The following KMT2C variants were observed in gnomAD, a reference collection of about 807,000 sequenced individuals.
KMT2C encodes the protein histone-lysine N-methyltransferase 2C.
KMT2C carries 88 observed loss-of-function variants against 507.9 expected under a neutral mutation model. The observed-to-expected ratio is 0.17, with a 90% CI of 0.15 to 0.21. The LOEUF is 0.21. Ranked by LOEUF, KMT2C falls within the 10% of genes least tolerant of loss-of-function variation. The pLI, the probability that KMT2C is intolerant of heterozygous loss-of-function variation, is 1.00. For missense variants in KMT2C, 4,954 were observed against 5,957.8 expected (o/e 0.83, Z 5.55); for synonymous variants, 2,049 against 2,080.8 (o/e 0.98, Z 0.42).
rs891381752 is a variant in KMT2C at position 152,148,483 on chromosome 7, T to C, written c.13444A>G (p.Ile4482Val). 1.2e-6 allele frequency: 2 copies of C among 1,614,250 alleles called. No homozygotes were observed. The highest frequency in any genetic ancestry group is 1.1e-5 in the South Asian group (1 of 91,086). The part of the protein sequence containing the change: ...SGCHRFRCTN[I>V]YHFTCAIKAQ... ...TTAATGGCGCAAGTGAAGTGATAAATGTTGGTGCATCGAAATCTGTGGCAT... is the reference window on the plus strand; with the variant it reads ...TTAATGGCGCAAGTGAAGTGATAAACGTTGGTGCATCGAAATCTGTGGCAT... Residue 4482 changes from isoleucine (I) to valine (V), a missense_variant, in exon 52 of 59, where the codon ATT becomes GTT. Around this residue, in one of 29 missense-constraint regions of KMT2C, gnomAD observed 221 missense variants for 304.7 expected, o/e 0.73. Transcript: ENST00000262189. This position sits in a 1 kb window ranked among gnomAD's most constrained non-coding sequence, Gnocchi z 7.1.
chr7:152,162,870 T>C lies in KMT2C; in HGVS notation c.10707A>G (p.Pro3569=). The change falls in exon 43 of 59, where the codon CCA becomes CCG. Residue 3569 remains proline (P), a synonymous_variant. Coordinates refer to ENST00000262189, the MANE Select transcript of KMT2C (RefSeq NM_170606.3). ...AAPPVANSSL[P]CGQDSTITHG... The stretch of plus-strand genomic sequence containing the variant: ...GGGTTATAGTAGAATCTTGGCCACA[T>C]GGGAGACTGCTATTAGCTACTGGAG... 1.9e-6 allele frequency: 3 copies of C among 1,614,194 alleles called. No homozygotes were observed. Among genetic ancestry groups the C allele is most frequent in the Non-Finnish European group, 2.5e-6 (3 of 1,180,034 alleles).
intron 5 of KMT2C, among the ~76,000 whole-genome samples, chr7:152,310,439 C>T (rs2096660827): frequency 6.6e-6 from 1 of 152,150 alleles, no homozygotes; most frequent in Non-Finnish European, 1.5e-5. Flanking sequence ...GTGGTGCACG[C>T]CTGTAATTCC....
intron 2 of KMT2C, among the ~76,000 whole-genome samples, chr7:152,349,135 C>A (rs1022111025): frequency 6.6e-6 from 1 of 152,138 alleles, no homozygotes; most frequent in Non-Finnish European, 1.5e-5. Context: ...AAGAAATGCA[C>A]TATCAAGACA....
At chr7:152,307,842 G>A (rs1343715351) in intron 6 of KMT2C, among the ~76,000 whole-genome samples, 2 of 152,110 alleles carry the variant, frequency 1.3e-5, no homozygotes, top group African/African-American at 4.8e-5. Context: ...CTACATTTCT[G>A]TACTAAGTAT....
At position 152,417,291 on chromosome 7, in the gene KMT2C, G is replaced by T. The variant is rs571352130; in HGVS notation, c.161+18335C>A. Reference sequence around the variant, plus strand: ...CCACCACCATGTCTGGCTAATTTTTGTATTTTTACTAGAGATGGGTTTCAC... The same window carrying T: ...CCACCACCATGTCTGGCTAATTTTTTTATTTTTACTAGAGATGGGTTTCAC... On this transcript the variant is annotated intron_variant, in intron 1 of 58. Transcript: ENST00000262189. Among the ~76,000 whole-genome samples, 6 of 152,074 alleles carry T rather than the reference G, an allele frequency of 3.9e-5. No individual in the cohort carries two copies. The East Asian group carries it at 1.2e-3, about 30-fold the overall frequency.
In KMT2C at chr7:152,148,947, A is replaced by G; in HGVS notation, c.12980T>C (p.Val4327Ala). The G allele has an allele frequency of 1.9e-6, 3 of 1,608,314 alleles. No homozygotes were observed. Among genetic ancestry groups the G allele is most frequent in the Non-Finnish European group, 2.5e-6 (3 of 1,177,106 alleles). ...QVEAKPDELK[V>A]TVKLKPRLRA... ...TAGCCGAGGCTTCAGCTTGACTGTC[A>G]CCTTCAGCTCATCTGGCTTGGCCTC... Residue 4327 changes from valine (V) to alanine (A), a missense_variant, in exon 52 of 59, where the codon GTG becomes GCG. Val to Ala is a moderately conservative substitution (Grantham distance 64). Transcript: ENST00000262189. This position sits in a 1 kb window ranked among gnomAD's most constrained non-coding sequence, Gnocchi z 7.1.
At chr7:152,311,033 C>A (rs1369620905) in intron 5 of KMT2C, among the ~76,000 whole-genome samples, 1 of 152,074 alleles carries the variant, frequency 6.6e-6, no homozygotes, top group Non-Finnish European at 1.5e-5. Flanking sequence ...GATGCACACA[C>A]AAGTTTAAGA....
intron 1 of KMT2C, among the ~76,000 whole-genome samples, chr7:152,388,264 A>C (rs114908480): frequency 2.1e-5 from 3 of 141,880 alleles, no homozygotes; most frequent in African/African-American, 7.7e-5. Context: ...TGCTAAATAA[A>C]TAAGTATGCT....
chr7:152,299,479 C>T (rs1368633733), intron 6 of KMT2C, among the ~76,000 whole-genome samples: 2 of 151,796 alleles, frequency 1.3e-5, no homozygotes, highest in Non-Finnish European at 2.9e-5. Context: ...CATAGTGAGA[C>T]CCCATATATA....
At chr7:152,340,550 ATTAT>A (rs1386684530) in intron 2 of KMT2C, among the ~76,000 whole-genome samples, 1 of 152,180 alleles carries the variant, frequency 6.6e-6, no homozygotes, top group African/African-American at 2.4e-5. Context: ...GAAAAAGCAA[ATTAT>A]TTATTAACAC....
At chr7:152,368,363 A>T (rs1182409731) in intron 1 of KMT2C, 12 of 1,126,638 alleles carry the variant, frequency 1.1e-5, no homozygotes, top group Non-Finnish European at 1.6e-5. Flanking sequence ...CCTCTGGCAC[A>T]AATGGAAGAA....
Position 152,183,121 on chromosome 7 carries a change from A to C in KMT2C, c.5118T>G (p.Ile1706Met). ...AATCATTTGACATCTGTACTTTATT[A>C]ATGCGTAAAGCAGCTCTGTTATCTC... ...KARDNRAALR[I>M]NKVQMSNDSM... Residue 1706 changes from isoleucine to methionine, a missense_variant, in exon 35 of 59, where the codon ATT becomes ATG. Ile to Met is a conservative substitution (Grantham distance 10). Around this residue, in one of 29 missense-constraint regions of KMT2C, gnomAD observed 58 missense variants for 63.3 expected, o/e 0.92. Transcript: ENST00000262189. 1.9e-6 allele frequency: 3 copies of C among 1,607,394 alleles called. No homozygotes were observed. The highest frequency in any genetic ancestry group is 2.5e-6 in the Non-Finnish European group (3 of 1,177,930).
chr7:152,315,479 T>C (rs2096713876), intron 3 of KMT2C, 141 bp from the exon 4 acceptor site: 8 of 609,664 alleles, frequency 1.3e-5, no homozygotes. Context: ...TACAGTCTAT[T>C]CAGTGATTAC....
In KMT2C at chr7:152,223,960, T is replaced by C. The variant is rs552982387; in HGVS notation, c.3323+55A>G. ...AAAGCTATTTTCCATTTGTTTTTTT[T>C]TTTGCTACATTTCAAAGAGAAAAGC... On this transcript the variant is annotated intron_variant, in intron 20 of 58. Transcript: ENST00000262189. 132 of 1,255,128 alleles carry C rather than the reference T, an allele frequency of 1.1e-4. No individual in the cohort carries two copies. The African/African-American group carries it at 1.8e-3, about 17-fold the overall frequency. The allele number at this position is 1,255,128 out of a possible 1,614,324, so 77.7% of individuals were successfully genotyped here.
rs10269449 is a variant in KMT2C at position 152,172,742 on chromosome 7, T to C, written c.9374+1389A>G. On this transcript the variant is annotated intron_variant, in intron 39 of 58. Coordinates refer to ENST00000262189, the MANE Select transcript of KMT2C (RefSeq NM_170606.3). ...AAATAAAACTCAGCATTTCCTTGTT[T>C]TGAATATACATAGAAACTACAATAT... Among the ~76,000 whole-genome samples, 1,182 of 152,236 alleles carry C rather than the reference T, an allele frequency of 7.8e-3. 21 individuals carry two copies. Among genetic ancestry groups the C allele is most frequent in the African/African-American group, 0.027 (1,141 of 41,538 alleles).
At chr7:152,192,243 G>A (rs768709777) in intron 31 of KMT2C, among the ~76,000 whole-genome samples, 2 of 151,962 alleles carry the variant, frequency 1.3e-5, no homozygotes, top group African/African-American at 4.8e-5. Flanking sequence ...GTTCTTAATC[G>A]TTAAAACAGC....
intron 1 of KMT2C, among the ~76,000 whole-genome samples, chr7:152,385,722 A>C (rs1459444863): frequency 1.4e-5 from 2 of 144,698 alleles, no homozygotes; most frequent in Non-Finnish European, 3.0e-5. Context: ...TTTAAGTATG[A>C]TGGTGGTATT....
intron 16 of KMT2C, among the ~76,000 whole-genome samples, chr7:152,235,486 T>G (rs112623282): frequency 6.6e-6 from 1 of 152,026 alleles, no homozygotes; most frequent in African/African-American, 2.4e-5. Flanking sequence ...AATACACATA[T>G]AAATAAAGCC....
chr7:152,166,711 C>T (rs145890964), intron 42 of KMT2C, among the ~76,000 whole-genome samples: 2 of 152,164 alleles, frequency 1.3e-5, no homozygotes, highest in African/African-American at 4.8e-5. Flanking sequence ...CAAAAATACT[C>T]CCTGGGCCCC....
Sources: gnomAD v4.1 joint callset for allele counts (sites outside exome capture counted in the v4.1 genomes callset) on GRCh38, gnomAD v4.1.1 for gene constraint, gnomAD v4.1.1 regional missense constraint, Gnocchi (gnomAD v3.1) non-coding constraint, MANE v1.5 for transcripts, NCBI Gene and HGNC (gene_info 2026-07-23, HGNC 2026-07-21) for gene names.